Variants in FGF12 observed in about 807,000 individuals in gnomAD.
FGF12 encodes the protein fibroblast growth factor 12B.
Under a neutral mutation model 23.6 loss-of-function variants are expected in FGF12, and 14 were observed. The observed-to-expected ratio is 0.59, with a 90% CI of 0.39 to 0.93. The LOEUF is 0.93. Ranked by LOEUF, FGF12 falls within the 40% of genes least tolerant of loss-of-function variation. The probability of loss-of-function intolerance (pLI) is 0.00; values close to 1 mark genes in which losing one functional copy is unlikely to be tolerated. For synonymous variants in FGF12, 62 were observed against 77.3 expected (o/e 0.80, Z 1.04); for missense variants, 175 against 217.8 (o/e 0.80, Z 1.24).
chr3:192,523,142 G>A (rs901211777), intron 2 of FGF12, among the ~76,000 whole-genome samples: 2 of 152,140 alleles, frequency 1.3e-5, no homozygotes, highest in African/African-American at 4.8e-5. Context: ...AATCCAGAAT[G>A]TGAAGGAGAC....
At chr3:192,369,741 T>A (rs1468146752) in intron 2 of FGF12, among the ~76,000 whole-genome samples, 1 of 152,162 alleles carries the variant, frequency 6.6e-6, no homozygotes, top group Non-Finnish European at 1.5e-5. Context: ...AGGTGCTGGG[T>A]ACAAAGATGA....
At chr3:192,313,788 C>G (rs994817171) in intron 4 of FGF12, among the ~76,000 whole-genome samples, 1 of 152,184 alleles carries the variant, frequency 6.6e-6, no homozygotes, top group Non-Finnish European at 1.5e-5. Context: ...CTTTTTCTCT[C>G]TCTCTTTCTT....
Position 192,408,262 on chromosome 3 carries a change from C to T in FGF12, c.14-47724G>A, listed in dbSNP as rs1289110424. 2.0e-6 allele frequency: 3 copies of T among 1,533,476 alleles called. No homozygotes were observed. The highest frequency in any genetic ancestry group is 2.6e-6 in the Non-Finnish European group (3 of 1,144,972). 95.0% of individuals were successfully genotyped at this position (1,533,476 alleles called of 1,614,324 possible). A position where few individuals can be genotyped will look rare whatever the true frequency, so the allele number is the denominator to read the frequency against. ...GGGCCTCAGGCCCCAGCCTCTACTG[C>T]GCCCTCCGGCTTGCGCTCCGCCGGG... On this transcript the variant is annotated intron_variant, in intron 2 of 5. Coordinates refer to ENST00000445105, the MANE Select transcript of FGF12 (RefSeq NM_004113.6). This position sits in a 1 kb window ranked among gnomAD's most constrained non-coding sequence, Gnocchi z 7.3.
intron 2 of FGF12, chr3:192,516,434 G>A (rs1724669410): frequency 6.6e-6 from 1 of 152,164 alleles, no homozygotes; most frequent in Non-Finnish European, 1.5e-5. Context: ...TCCCTGCAAG[G>A]GAGTAAAAAT....
At chr3:192,534,029 G>A (rs1169589041) in intron 2 of FGF12, 4 of 173,662 alleles carry the variant, frequency 2.3e-5, no homozygotes, top group East Asian at 2.7e-4. Context: ...GTAATGTGCC[G>A]ATGTCTTGAC....
At position 192,293,388 on chromosome 3, in the gene FGF12, GC is replaced by G. The variant is rs143437930; in HGVS notation, c.228+41972del. 6.1e-3 allele frequency among the ~76,000 whole-genome samples: 926 copies of G among 152,298 alleles called. 9 individuals carry two copies. Among genetic ancestry groups the G allele is most frequent in the Non-Finnish European group, 0.011 (722 of 68,010 alleles). On this transcript the variant is annotated intron_variant, in intron 4 of 5. Transcript: ENST00000445105. ...GGAGATTTCCAATCATCTTTCCAGT[GC>G]TAAATTTGAACCTCATTCTCAAGGG...
intron 2 of FGF12, among the ~76,000 whole-genome samples, chr3:192,383,181 C>G (rs917471102): frequency 6.6e-6 from 1 of 152,214 alleles, no homozygotes; most frequent in Non-Finnish European, 1.5e-5. Flanking sequence ...TACACCCCAG[C>G]ATGGCATGGA....
At position 192,239,066 on chromosome 3, in the gene FGF12, T is replaced by C. The variant is rs1389641958; in HGVS notation, c.229-68410A>G. 3.9e-5 allele frequency among the ~76,000 whole-genome samples: 6 copies of C among 152,350 alleles called. No individual in the cohort carries two copies. The South Asian group carries it at 1.2e-3, about 32-fold the overall frequency. On this transcript the variant is annotated intron_variant, in intron 4 of 5. Transcript: ENST00000445105. The stretch of plus-strand genomic sequence containing the variant: ...ATGGGCTTGCTTAGTGTATAACTTT[T>C]CCTAGTCTTCATACTTACGAAAAGA...
intron 4 of FGF12, among the ~76,000 whole-genome samples, chr3:192,268,443 C>T (rs1285912906): frequency 1.3e-5 from 2 of 152,108 alleles, no homozygotes; most frequent in Non-Finnish European, 2.9e-5. Context: ...CTGTCCCTGC[C>T]CAAATCTCAT....
chr3:192,304,967 C>G (rs1474042212), intron 4 of FGF12, among the ~76,000 whole-genome samples: 1 of 151,200 alleles, frequency 6.6e-6, no homozygotes, highest in African/African-American at 2.4e-5. Context: ...TAACAAATAG[C>G]TATTAAAGAA....
intron 2 of FGF12, among the ~76,000 whole-genome samples, chr3:192,515,834 C>CTTTTT (rs10681949): frequency 1.4e-5 from 2 of 147,660 alleles, no homozygotes; most frequent in Non-Finnish European, 3.0e-5. Flanking sequence ...CCCCTTGACT[C>CTTTTT]TTTTTTTTTT....
intron 2 of FGF12, among the ~76,000 whole-genome samples, chr3:192,615,648 G>GC (rs1714727580): frequency 6.6e-6 from 1 of 152,012 alleles, no homozygotes; most frequent in Admixed American, 6.6e-5. Context: ...AATCACAGAA[G>GC]TGCTCAAAAT....
intron 5 of FGF12, among the ~76,000 whole-genome samples, chr3:192,156,839 C>G (rs62295825): frequency 0.11 from 16,758 of 152,212 alleles, 1,120 homozygotes; most frequent in Middle Eastern, 0.2. Context: ...TTTGGTTCTT[C>G]TGTACTCTTT....
rs199863645 is a variant in FGF12, at chr3:192,611,545, G to A, written c.13+115636C>T. Among the ~76,000 whole-genome samples the A allele has an allele frequency of 7.2e-5, 11 of 152,064 alleles. No homozygotes were observed. The East Asian group carries it at 1.9e-3, about 27-fold the overall frequency. On this transcript the variant is annotated intron_variant, in intron 2 of 5. Transcript: ENST00000445105. ...ATTCTGTAAAATACATAAAGAAAAA[G>A]TGCACCGTCAGGCAATGGTTCTGAA...
chr3:192,513,607 C>A (rs1255422219), intron 2 of FGF12, among the ~76,000 whole-genome samples: 1 of 152,096 alleles, frequency 6.6e-6, no homozygotes. Context: ...GTGCCATAAC[C>A]AAATGAATCA....
intron 2 of FGF12, among the ~76,000 whole-genome samples, chr3:192,397,229 T>A (rs2366666): frequency 0.3 from 45,395 of 152,090 alleles, 7,429 homozygotes; most frequent in South Asian, 0.45. Context: ...CTGGCCACAA[T>A]GCTGCCAACT....
intron 2 of FGF12, among the ~76,000 whole-genome samples, chr3:192,506,517 C>T (rs1284957023): frequency 3.3e-5 from 5 of 152,030 alleles, no homozygotes; most frequent in Non-Finnish European, 5.9e-5. Context: ...ATTATAGCTG[C>T]GCAACACTGC....
intron 4 of FGF12, among the ~76,000 whole-genome samples, chr3:192,313,818 T>C (rs1048209198): frequency 1.3e-5 from 2 of 152,234 alleles, no homozygotes; most frequent in African/African-American, 4.8e-5. Context: ...TCTTATATTA[T>C]GCACAGTTAA....
chr3:192,655,745 G>A (rs1340870423), intron 2 of FGF12, among the ~76,000 whole-genome samples: 1 of 152,130 alleles, frequency 6.6e-6, no homozygotes, highest in African/African-American at 2.4e-5. Flanking sequence ...TGGCCTAGAA[G>A]AAGAAGATGA....
Sources: allele counts gnomAD v4.1 joint callset (sites outside exome capture counted in the v4.1 genomes callset), GRCh38; gene constraint gnomAD v4.1.1; non-coding constraint Gnocchi (gnomAD v3.1); transcripts MANE v1.5; gene names NCBI Gene and HGNC (gene_info 2026-07-23, HGNC 2026-07-21).